Variants in GRPEL2 observed in about 807,000 individuals in gnomAD.
GRPEL2 encodes the protein grpE protein homolog 2, mitochondrial.
GRPEL2 carries 18 observed loss-of-function variants against 25.9 expected under a neutral mutation model. The observed-to-expected ratio is 0.70, with a 90% CI of 0.48 to 1.03. The LOEUF (loss-of-function observed/expected upper bound fraction) is 1.03. Ranked by LOEUF, GRPEL2 falls within the 50% of genes least tolerant of loss-of-function variation. The pLI, the probability that GRPEL2 is intolerant of heterozygous loss-of-function variation, is 0.00. For synonymous variants in GRPEL2, 106 were observed against 107.9 expected (o/e 0.98, Z 0.11); for missense variants, 247 against 276.2 (o/e 0.89, Z 0.75).
At chr5:149,346,860 C>T (rs1001753970) in intron 1 of GRPEL2, among the ~76,000 whole-genome samples, 1 of 150,808 alleles carries the variant, frequency 6.6e-6, no homozygotes, top group Admixed American at 6.6e-5. Context: ...GCCTCAGCCT[C>T]CCGAGTAGCT....
Position 149,351,124 on chromosome 5 carries a change from G to T in GRPEL2, c.520G>T (p.Asp174Tyr). ...ACTGACACCCATTGGTGACAAATAT[G>T]ACCCCCATGAGCATGAACTCATCTG... ...EKLTPIGDKY[D>Y]PHEHELICHV... Residue 174 changes from aspartate (D) to tyrosine (Y), a missense_variant, in exon 4 of 4, where the codon GAC becomes TAC. Physicochemically the swap from Asp to Tyr is radical, Grantham distance 160. This residue lies in a region of GRPEL2 where 122 missense variants were observed against 169.2 expected (regional missense o/e 0.72). Transcript: ENST00000329271. The T allele has an allele frequency of 1.2e-6, 2 of 1,614,170 alleles. No individual in the cohort carries two copies. Among genetic ancestry groups the T allele is most frequent in the South Asian group, 2.2e-5 (2 of 91,056 alleles).
Position 149,348,553 on chromosome 5 carries a change from C to T in GRPEL2, c.231+128C>T, listed in dbSNP as rs549126570. 7.1e-6 allele frequency: 5 copies of T among 702,070 alleles called. No individual in the cohort carries two copies. The South Asian group carries it at 8.7e-5, about 12-fold the overall frequency. The allele number at this position is 702,070 out of a possible 1,614,324, so 43.5% of individuals were successfully genotyped here. On this transcript the variant is annotated intron_variant, in intron 2 of 3. Coordinates refer to ENST00000329271, the MANE Select transcript of GRPEL2 (RefSeq NM_152407.4). ...TCTTTATCTGCTACCCCTCATCCCT[C>T]CTCCACTCCTTGCTAGGTATACTGG...
rs770200752 is a variant in GRPEL2, at chr5:149,345,603, G to T, written c.64G>T (p.Ala22Ser). ...RVQRLLAWSA[A>S]WESKGWPLPF... Reference sequence around the variant, plus strand: ...GCAGCGCCTACTGGCCTGGAGTGCCGCGTGGGAGAGCAAGTAAGCATTGCA... The same window carrying T: ...GCAGCGCCTACTGGCCTGGAGTGCCTCGTGGGAGAGCAAGTAAGCATTGCA... Residue 22 changes from alanine to serine, a missense_variant, in exon 1 of 4, where the codon GCG (alanine) becomes TCG (serine). Ala to Ser is a moderately conservative substitution (Grantham distance 99). Transcript: ENST00000329271. 8.7e-6 allele frequency: 14 copies of T among 1,609,998 alleles called. No individual in the cohort carries two copies. Among genetic ancestry groups the T allele is most frequent in the Admixed American group, 1.7e-5 (1 of 59,662 alleles).
chr5:149,345,582 CGCCTACTG>C lies in GRPEL2; in HGVS notation c.48_55del (p.Leu17GlufsTer23), dbSNP rs1431785138. On this transcript the variant is annotated frameshift_variant, in exon 1 of 4. Coordinates refer to ENST00000329271, the MANE Select transcript of GRPEL2 (RefSeq NM_152407.4). LOFTEE classifies it high-confidence loss of function. ...GTGGGCGGGCCGGCTGCGGGTGCAGCGCCTACTGGCCTGGAGTGCCGCGTGGGAGAGCA... is the reference window on the plus strand; with the variant it reads ...GTGGGCGGGCCGGCTGCGGGTGCAGCGCCTGGAGTGCCGCGTGGGAGAGCA... 1.2e-6 allele frequency: 2 copies of C among 1,611,746 alleles called. No homozygotes were observed. Among genetic ancestry groups the C allele is most frequent in the East Asian group, 4.5e-5 (2 of 44,848 alleles).
rs115212986 is a variant in GRPEL2, at chr5:149,345,499, A to C, written c.-41A>C. 2,949 of 1,573,716 alleles carry C rather than the reference A, an allele frequency of 1.9e-3. 53 individuals carry two copies. In the African/African-American group the frequency reaches 0.036, roughly 19 times the overall value. On this transcript the variant is annotated 5_prime_UTR_variant, in exon 1 of 4. Transcript: ENST00000329271. The stretch of plus-strand genomic sequence containing the variant: ...TAAGCGGGAGCATCTCTTCACTCGC[A>C]GCAAGTGCGCGTGCGCTGCCTCTCA...
In GRPEL2 at chr5:149,345,667, C is replaced by G. The variant is rs1238479768; in HGVS notation, c.77+51C>G. On this transcript the variant is annotated intron_variant, in intron 1 of 3. Transcript: ENST00000329271. ...GAGCGTGAGGACTCTGAGGGGCTAG[C>G]GAGCCAGCCGGGGTGGTTGTGGGCT... 5 of 1,470,150 alleles carry G rather than the reference C, an allele frequency of 3.4e-6. No individual in the cohort carries two copies. In the South Asian group the frequency reaches 4.8e-5, roughly 14 times the overall value. 91.1% of individuals were successfully genotyped at this position (1,470,150 alleles called of 1,614,324 possible). A position where few individuals can be genotyped will look rare whatever the true frequency, so the allele number is the denominator to read the frequency against.
In GRPEL2 at chr5:149,345,517, G is replaced by A; in HGVS notation, c.-23G>A. Reference sequence around the variant, plus strand: ...CACTCGCAGCAAGTGCGCGTGCGCTGCCTCTCAGCCCAAATTGGAAACATG... The same window carrying A: ...CACTCGCAGCAAGTGCGCGTGCGCTACCTCTCAGCCCAAATTGGAAACATG... On this transcript the variant is annotated 5_prime_UTR_variant, in exon 1 of 4. Coordinates refer to ENST00000329271, the MANE Select transcript of GRPEL2 (RefSeq NM_152407.4). 6.2e-7 allele frequency: 1 copy of A among 1,603,988 alleles called. No individual in the cohort carries two copies. The highest frequency in any genetic ancestry group is 1.7e-5 in the Admixed American group (1 of 58,920).
chr5:149,345,899 CTCTCCCGGCCTCT>C (rs1646022233), intron 1 of GRPEL2: 1 of 455,992 alleles, frequency 2.2e-6, no homozygotes, highest in Non-Finnish European at 3.9e-6. Flanking sequence ...GGATGTACCA[CTCTCCCGGCCTCT>C]TCTCCCAGCC....
rs993981097 is a variant in GRPEL2 at position 149,352,622 on chromosome 5, C to A, written c.*1340C>A. ...TTTTTTCAGTCTTATAGCTGGTGTT[C>A]TGTAAAAGATTTGTCCAATAAACGA... On this transcript the variant is annotated 3_prime_UTR_variant, in exon 4 of 4. Transcript: ENST00000329271. 6.6e-6 allele frequency: 1 copy of A among 151,778 alleles called. No homozygotes were observed. Among genetic ancestry groups the A allele is most frequent in the Non-Finnish European group, 1.5e-5 (1 of 67,986 alleles). The allele number at this position is 151,778 out of a possible 1,614,324, so 9.4% of individuals were successfully genotyped here.
rs1757815172 is a variant in GRPEL2, at chr5:149,353,838, C to T, written c.*2556C>T. ...GGGGAGCCAAAGCAGCATATTAGAG[C>T]ATAGGCTTGAACTTAAATCTCAGCT... On this transcript the variant is annotated 3_prime_UTR_variant, in exon 4 of 4. Transcript: ENST00000329271. 1.3e-5 allele frequency: 2 copies of T among 152,290 alleles called. No homozygotes were observed. Among genetic ancestry groups the T allele is most frequent in the South Asian group, 2.1e-4 (1 of 4,830 alleles). 9.4% of individuals were successfully genotyped at this position (152,290 alleles called of 1,614,324 possible).
chr5:149,348,754 C>T (rs1042501387), intron 2 of GRPEL2, among the ~76,000 whole-genome samples: 1 of 152,124 alleles, frequency 6.6e-6, no homozygotes, highest in African/African-American at 2.4e-5. Flanking sequence ...AGGTCACTGA[C>T]CATTGTTCTT....
chr5:149,349,299 A>G (rs1269890551), intron 2 of GRPEL2, among the ~76,000 whole-genome samples: 2 of 152,196 alleles, frequency 1.3e-5, no homozygotes, highest in African/African-American at 4.8e-5. Flanking sequence ...CCCTGCCTAG[A>G]TGACATACTT....
In GRPEL2 at chr5:149,349,742, G is replaced by A. The variant is rs770758108; in HGVS notation, c.313+7G>A. 3 of 1,606,944 alleles carry A rather than the reference G, an allele frequency of 1.9e-6. No individual in the cohort carries two copies. The highest frequency in any genetic ancestry group is 3.3e-5 in the Admixed American group (2 of 60,004). On this transcript the variant is annotated splice_region_variant and intron_variant, in intron 3 of 3. Coordinates refer to ENST00000329271, the MANE Select transcript of GRPEL2 (RefSeq NM_152407.4). ...GAAGACGCCAAGATATTTGGTGAGAGATTTATTTACAATAAAAATGTCTTT... is the reference window on the plus strand; with the variant it reads ...GAAGACGCCAAGATATTTGGTGAGAAATTTATTTACAATAAAAATGTCTTT...
rs34300270 is a variant in GRPEL2, at chr5:149,346,715, ATTTTTTTTTTTTTTTTTTTT to A, written c.77+1120_77+1139del. ...TTTTCCCTTTGAACTGGCCCTGAGA[ATTTTTTTTTTTTTTTTTTTT>A]TTTTTTTTTTTTTTTTTTTTGAGAC... On this transcript the variant is annotated intron_variant, in intron 1 of 3. Transcript: ENST00000329271. Among the ~76,000 whole-genome samples, 106 of 59,264 alleles carry A rather than the reference ATTTTTTTTTTTTTTTTTTTT, an allele frequency of 1.8e-3. 1 individual carries two copies. Among genetic ancestry groups the A allele is most frequent in the Middle Eastern group, 0.032 (2 of 62 alleles). The allele number at this position is 59,264 out of a possible 152,430, so 38.9% of individuals were successfully genotyped here. A position where few individuals can be genotyped will look rare whatever the true frequency, so the allele number is the denominator to read the frequency against.
Position 149,351,356 on chromosome 5 carries a change from G to T in GRPEL2, c.*74G>T. On this transcript the variant is annotated 3_prime_UTR_variant, in exon 4 of 4. Coordinates refer to ENST00000329271, the MANE Select transcript of GRPEL2 (RefSeq NM_152407.4). ...TTCTTTTATTTATTAAACTAGGTTT[G>T]TATTGTACATGAGGTACTTCATGTG... 6.9e-7 allele frequency: 1 copy of T among 1,447,262 alleles called. No individual in the cohort carries two copies. Among genetic ancestry groups the T allele is most frequent in the Non-Finnish European group, 9.3e-7 (1 of 1,075,330 alleles). The allele number at this position is 1,447,262 out of a possible 1,614,324, so 89.7% of individuals were successfully genotyped here. A position where few individuals can be genotyped will look rare whatever the true frequency, so the allele number is the denominator to read the frequency against.
intron 1 of GRPEL2, among the ~76,000 whole-genome samples, chr5:149,346,751 T>C (rs1297221096): frequency 9.2e-6 from 1 of 109,152 alleles, no homozygotes; most frequent in Non-Finnish European, 2.0e-5. Flanking sequence ...TTTTTTTTTT[T>C]TTTTGAGACG....
chr5:149,349,625 A>G, intron 2 of GRPEL2, 29 bp from the exon 3 acceptor site: 1 of 1,475,262 alleles, frequency 6.8e-7, no homozygotes, highest in Middle Eastern at 1.8e-4. Flanking sequence ...TTGTTTTCTC[A>G]TCCTTTTGAT....
In GRPEL2 at chr5:149,353,056, CTTATACA is replaced by C. The variant is rs1017962330; in HGVS notation, c.*1780_*1786del. The C allele has an allele frequency of 3.3e-5, 5 of 152,638 alleles. No individual in the cohort carries two copies. Among genetic ancestry groups the C allele is most frequent in the Non-Finnish European group, 5.9e-5 (4 of 68,040 alleles). 9.5% of individuals were successfully genotyped at this position (152,638 alleles called of 1,614,324 possible). A position where few individuals can be genotyped will look rare whatever the true frequency, so the allele number is the denominator to read the frequency against. On this transcript the variant is annotated 3_prime_UTR_variant, in exon 4 of 4. Transcript: ENST00000329271. ...CAGTGGAGTGGTGGAAAGTTAACCT[CTTATACA>C]TTATAGATAATTCTAAGACAGCACA...
At chr5:149,349,567 G>C (rs937550910) in intron 2 of GRPEL2, 87 bp from the exon 3 acceptor site, 1 of 935,196 alleles carries the variant, frequency 1.1e-6, no homozygotes, top group Non-Finnish European at 1.6e-6. Context: ...TATCAAAAGG[G>C]TGAAATTTGT....
Sources: gnomAD v4.1 joint callset for allele counts (sites outside exome capture counted in the v4.1 genomes callset) on GRCh38, gnomAD v4.1.1 for gene constraint, gnomAD v4.1.1 regional missense constraint, MANE v1.5 for transcripts, NCBI Gene and HGNC (gene_info 2026-07-23, HGNC 2026-07-21) for gene names.